PHB1: variants seen among roughly 807,000 people sequenced by gnomAD.
The protein encoded by PHB1 is prohibitin 1, also known as epididymis luminal protein 215.
At chr17:49,413,478 T>G in the PHB1 span, among the ~76,000 whole-genome samples, 2 of 127,956 alleles carry the variant, frequency 1.6e-5, no homozygotes, top group African/African-American at 7.4e-5. Flanking sequence ...TATCAATTCT[T>G]CTGCTTTTTT....
At chr17:49,406,339 T>C in the PHB1 span, among the ~76,000 whole-genome samples, 5 of 152,234 alleles carry the variant, frequency 3.3e-5, no homozygotes, top group Admixed American at 1.3e-4. Context: ...ATCACATTCT[T>C]TGACACATCT....
chr17:49,413,320 A>C, the PHB1 span: 1 of 1,269,624 alleles, frequency 7.9e-7, no homozygotes, highest in Non-Finnish European at 1.1e-6. Flanking sequence ...AATACAATCA[A>C]ACTTGATGCC....
the PHB1 span, among the ~76,000 whole-genome samples, chr17:49,409,768 T>A: frequency 1.3e-5 from 2 of 152,106 alleles, no homozygotes; most frequent in Non-Finnish European, 2.9e-5. Flanking sequence ...ACTCCTGACC[T>A]CAGGTGATCT....
At chr17:49,408,469 A>G in the PHB1 span, among the ~76,000 whole-genome samples, 2 of 152,166 alleles carry the variant, frequency 1.3e-5, no homozygotes, top group Non-Finnish European at 1.5e-5. Flanking sequence ...ATGACATCCA[A>G]TGTCATATAA....
the PHB1 span, among the ~76,000 whole-genome samples, chr17:49,411,267 C>T: frequency 7.0e-6 from 1 of 143,560 alleles, no homozygotes; most frequent in Non-Finnish European, 1.5e-5. Flanking sequence ...GTGGCACAAT[C>T]TTAGCTCACT....
At chr17:49,412,197 C>T in the PHB1 span, 59 of 202,940 alleles carry the variant, frequency 2.9e-4, no homozygotes, top group East Asian at 6.7e-3. Flanking sequence ...TCCCAGTTAC[C>T]ACATATCCAT....
chr17:49,409,322 T>C, the PHB1 span: 54,134 of 1,613,866 alleles, frequency 0.034, 6,902 homozygotes, highest in African/African-American at 0.35. Flanking sequence ...AAGGCCCCTG[T>C]TCACTCACCA....
chr17:49,405,351 G>T, the PHB1 span: 1 of 654,704 alleles, frequency 1.5e-6, no homozygotes, highest in Non-Finnish European at 2.7e-6. Flanking sequence ...AGCGGGGGAA[G>T]CGGGGGGAAG....
chr17:49,410,268 C>A, the PHB1 span, among the ~76,000 whole-genome samples: 1 of 152,220 alleles, frequency 6.6e-6, no homozygotes, highest in Non-Finnish European at 1.5e-5. Flanking sequence ...TTTCTCCTGC[C>A]TCAGCCTCTT....
At chr17:49,411,934 CTTA>C in the PHB1 span, 1 of 1,116,782 alleles carries the variant, frequency 9.0e-7, no homozygotes, top group Non-Finnish European at 1.3e-6. Flanking sequence ...TTTCTGTTCA[CTTA>C]TTAAGTCTCC....
At chr17:49,410,705 A>G in the PHB1 span, among the ~76,000 whole-genome samples, 4 of 152,284 alleles carry the variant, frequency 2.6e-5, no homozygotes, top group Non-Finnish European at 4.4e-5. Context: ...TTTACTAATG[A>G]TGTGGCCTCT....
the PHB1 span, chr17:49,412,088 A>G: frequency 1.5e-5 from 6 of 408,690 alleles, no homozygotes; most frequent in Non-Finnish European, 2.6e-5. Flanking sequence ...CCTTGAGGGA[A>G]CTGGCTGTTG....
At chr17:49,405,505 T>C in the PHB1 span, among the ~76,000 whole-genome samples, 685 of 152,248 alleles carry the variant, frequency 4.5e-3, 1 homozygote, top group African/African-American at 0.016. Flanking sequence ...TTAACAACCC[T>C]ACTCTGAGCC....
At chr17:49,413,245 T>C in the PHB1 span, 1 of 1,609,164 alleles carries the variant, frequency 6.2e-7, no homozygotes, top group Non-Finnish European at 8.5e-7. Flanking sequence ...GCCAATGGAC[T>C]CAAACACTTT....
chr17:49,409,035 A>C, the PHB1 span: 1 of 1,569,960 alleles, frequency 6.4e-7, no homozygotes, highest in Non-Finnish European at 8.7e-7. Flanking sequence ...CTCCCGAAGG[A>C]TCTTACCAAG....
the PHB1 span, chr17:49,409,181 AAGGGC>A: frequency 1.9e-6 from 3 of 1,593,422 alleles, no homozygotes; most frequent in Non-Finnish European, 1.7e-6. Context: ...GGAGGAGCAG[AAGGGC>A]AGGTCAGGTT....
the PHB1 span, chr17:49,408,654 A>G: frequency 0.73 from 118,754 of 163,798 alleles, 44,181 homozygotes; most frequent in African/African-American, 0.91. Context: ...AGCTCCCAGG[A>G]GTCAGGCTGG....
the PHB1 span, chr17:49,404,916 G>A: frequency 8.4e-6 from 8 of 955,082 alleles, no homozygotes; most frequent in Non-Finnish European, 1.3e-5. Flanking sequence ...TGGGGTGGGA[G>A]CAGAAGGAAG....
chr17:49,410,060 T>C, the PHB1 span, among the ~76,000 whole-genome samples: 1 of 151,690 alleles, frequency 6.6e-6, no homozygotes, highest in Non-Finnish European at 1.5e-5. Flanking sequence ...TCTCTGTACT[T>C]TTTGTAGAGC....
Sources: allele counts gnomAD v4.1 joint callset (sites outside exome capture counted in the v4.1 genomes callset), GRCh38; gene constraint gnomAD v4.1.1; transcripts MANE v1.5; gene names NCBI Gene and HGNC (gene_info 2026-07-23, HGNC 2026-07-21).